TSPAN1: variants seen among roughly 807,000 people sequenced by gnomAD.
The protein encoded by TSPAN1 is tetraspanin-1.
In TSPAN1, 23 loss-of-function variants were observed where a neutral mutation model predicts 26.9. The observed-to-expected ratio is 0.85, with a 90% CI of 0.62 to 1.21. The LOEUF (loss-of-function observed/expected upper bound fraction) is 1.21. Among genes scored for constraint, TSPAN1 ranks in the 50% most tolerant of loss-of-function variants. TSPAN1 has a pLI of 0.00. For synonymous variants in TSPAN1, 115 were observed against 114.8 expected (o/e 1.00, Z -0.01); for missense variants, 283 against 298.4 (o/e 0.95, Z 0.38).
At chr1:46,193,812 A>G in the TSPAN1 span, 1 of 1,611,720 alleles carries the variant, frequency 6.2e-7, no homozygotes. Flanking sequence ...TGACCTAAGC[A>G]CCCTCCTGTT....
the TSPAN1 span, chr1:46,193,037 G>A: frequency 6.2e-7 from 1 of 1,604,310 alleles, no homozygotes; most frequent in East Asian, 2.2e-5. Context: ...CCCTCTTCTT[G>A]CAGGCAGCAT....
chr1:46,190,611 T>C, downstream of TSPAN1: 6 of 1,533,542 alleles, frequency 3.9e-6, no homozygotes, highest in South Asian at 6.7e-5. Flanking sequence ...TGGGAATCTG[T>C]AGCCGCAGGG....
chr1:46,193,073 ATGAG>A, the TSPAN1 span: 2 of 1,604,434 alleles, frequency 1.2e-6, no homozygotes, highest in South Asian at 2.2e-5. Flanking sequence ...GATGTGAAGG[ATGAG>A]GCCCAGTGAG....
At chr1:46,194,206 T>A in the TSPAN1 span, 1 of 1,613,588 alleles carries the variant, frequency 6.2e-7, no homozygotes. Flanking sequence ...CCAACCTAGA[T>A]CATTCCTGGG....
At chr1:46,183,751 C>T (rs553656333) in intron 3 of TSPAN1, 32 of 196,594 alleles carry the variant, frequency 1.6e-4, no homozygotes, top group African/African-American at 7.1e-4. Context: ...GCCTCGCCTC[C>T]ATTACTATGG....
At position 46,181,143 on chromosome 1, in the gene TSPAN1, C is replaced by A; in HGVS notation, c.36C>A (p.Ile12=). The A allele has an allele frequency of 6.2e-7, 1 of 1,613,814 alleles. No homozygotes were observed. Among genetic ancestry groups the A allele is most frequent in the Non-Finnish European group, 8.5e-7 (1 of 1,179,858 alleles). ...TCAGCTTCATTAAGACCATGATGAT[C>A]CTCTTCAATTTGCTCATCTTTGTAA... ...QCFSFIKTMM[I]LFNLLIFLCG... The change falls in exon 3 of 9, where the codon ATC becomes ATA. Residue 12 remains isoleucine, a synonymous_variant. Transcript: ENST00000372003.
chr1:46,184,376 G>A lies in TSPAN1; in HGVS notation c.243G>A (p.Glu81=), dbSNP rs762301381. 1.2e-6 allele frequency: 2 copies of A among 1,614,128 alleles called. No individual in the cohort carries two copies. The highest frequency in any genetic ancestry group is 1.7e-6 in the Non-Finnish European group (2 of 1,180,010). The change falls in exon 4 of 9, where the codon GAG becomes GAA. Residue 81 remains glutamate (E), a synonymous_variant. Coordinates refer to ENST00000372003, the MANE Select transcript of TSPAN1 (RefSeq NM_005727.4). ...TGGGCTGCTATGGTGCTAAGACTGAGAGCAAGTGTGCCCTCGTGACGGTGT... is the reference window on the plus strand; with the variant it reads ...TGGGCTGCTATGGTGCTAAGACTGAAAGCAAGTGTGCCCTCGTGACGGTGT... The part of the protein sequence containing the change: ...GFLGCYGAKT[E]SKCALVTFFF...
intron 1 of TSPAN1, among the ~76,000 whole-genome samples, chr1:46,176,020 G>A (rs888108053): frequency 1.3e-5 from 2 of 152,148 alleles, no homozygotes; most frequent in Non-Finnish European, 2.9e-5. Flanking sequence ...CTAAAGGCGT[G>A]TGCCACCACG....
At chr1:46,190,049 C>T (rs1657635736), downstream of TSPAN1, 5 of 1,584,726 alleles carry the variant, frequency 3.2e-6, no homozygotes, top group Non-Finnish European at 4.3e-6. Context: ...GTGTGTCCCA[C>T]AGGACCCTGT....
intron 4 of TSPAN1, 40 bp from the exon 5 acceptor site, chr1:46,184,554 C>G (rs1012763671): frequency 6.2e-7 from 1 of 1,605,192 alleles, no homozygotes; most frequent in Admixed American, 1.7e-5. Flanking sequence ...GCATGAGGGA[C>G]TGTCTCTCCC....
chr1:46,186,234 G>T (rs902551755), downstream of TSPAN1, among the ~76,000 whole-genome samples: 1 of 152,092 alleles, frequency 6.6e-6, no homozygotes, highest in Admixed American at 6.5e-5. Context: ...CCTGGGTAGG[G>T]GCACTGGACT....
chr1:46,184,603 ATCC>A lies in TSPAN1; in HGVS notation c.283_285del (p.Leu95del), dbSNP rs774592327. On this transcript the variant is annotated inframe_deletion, in exon 5 of 9. Coordinates refer to ENST00000372003, the MANE Select transcript of TSPAN1 (RefSeq NM_005727.4). ...CCTGTTCCCCACTCAGTTCTTCTTC[ATCC>A]TCCTCCTCATCTTCATTGCTGAGGT... 7.7e-5 allele frequency: 124 copies of A among 1,613,904 alleles called. No homozygotes were observed. The Admixed American group carries it at 8.7e-4, about 11-fold the overall frequency.
chr1:46,186,972 A>T (rs1262549138), downstream of TSPAN1, among the ~76,000 whole-genome samples: 1 of 151,772 alleles, frequency 6.6e-6, no homozygotes, highest in Non-Finnish European at 1.5e-5. Flanking sequence ...ACGCCCGGCT[A>T]ACTTTTTATA....
In TSPAN1 at chr1:46,181,080, T is replaced by G; in HGVS notation, c.-8-20T>G. ...GCCCAGGGGAAACAAGGCCCTAACT[T>G]GCACATGTCTACCTCCCAGGAGCCA... On this transcript the variant is annotated intron_variant, in intron 2 of 8. Coordinates refer to ENST00000372003, the MANE Select transcript of TSPAN1 (RefSeq NM_005727.4). The G allele has an allele frequency of 6.2e-7, 1 of 1,613,092 alleles. No homozygotes were observed. Among genetic ancestry groups the G allele is most frequent in the Admixed American group, 1.7e-5 (1 of 59,932 alleles).
chr1:46,193,118 C>T, the TSPAN1 span: 3 of 1,612,284 alleles, frequency 1.9e-6, no homozygotes, highest in South Asian at 1.1e-5. Flanking sequence ...CAGGCCCAGA[C>T]CTTATGCCCA....
downstream of TSPAN1, chr1:46,188,806 C>CA: frequency 1.2e-6 from 2 of 1,612,906 alleles, 1 homozygote; most frequent in South Asian, 2.2e-5. Context: ...TCTGTGTCAG[C>CA]ATGTGGGCCC....
At chr1:46,192,000 A>G in the TSPAN1 span, 5 of 1,477,744 alleles carry the variant, frequency 3.4e-6, no homozygotes, top group Non-Finnish European at 4.7e-6. Flanking sequence ...CCAAGGTTAC[A>G]TGGCTAGCAA....
chr1:46,177,517 T>C (rs1419411126), intron 1 of TSPAN1, among the ~76,000 whole-genome samples: 2 of 152,160 alleles, frequency 1.3e-5, no homozygotes, highest in African/African-American at 4.8e-5. Flanking sequence ...TTAGAAAGAC[T>C]AGAGAGCACT....
At chr1:46,181,223 G>A (rs1225620543) in intron 3 of TSPAN1, 59 bp downstream of exon 3, 3 of 1,535,106 alleles carry the variant, frequency 2.0e-6, no homozygotes, top group Non-Finnish European at 2.7e-6. Context: ...CACAAGCTGA[G>A]TAGAGACTAA....
Sources: gnomAD v4.1 joint callset for allele counts (sites outside exome capture counted in the v4.1 genomes callset) on GRCh38, gnomAD v4.1.1 for gene constraint, MANE v1.5 for transcripts, NCBI Gene and HGNC (gene_info 2026-07-23, HGNC 2026-07-21) for gene names.